Variants in TMEFF2 observed in about 807,000 individuals in gnomAD.
The protein encoded by TMEFF2 is transmembrane protein with EGF like and two follistatin like domains 2, also known as tomoregulin-2.
Under a neutral mutation model 53.8 loss-of-function variants are expected in TMEFF2, and 28 were observed. That is an observed-to-expected ratio of 0.52 (90% confidence interval 0.39 to 0.71). TMEFF2 has a LOEUF of 0.71. Ranked by LOEUF, TMEFF2 falls within the 30% of genes least tolerant of loss-of-function variation. The pLI is 0.00. For synonymous variants in TMEFF2, 162 were observed against 166.3 expected, an observed-to-expected ratio of 0.97 and a Z score of 0.20; for missense variants, 353 against 455.2, an observed-to-expected ratio of 0.78 and a Z score of 2.04.
At chr2:192,021,829 C>T (rs560803359) in intron 5 of TMEFF2, 2 of 152,194 alleles carry the variant, frequency 1.3e-5, no homozygotes, top group South Asian at 2.1e-4. Flanking sequence ...TAGATGTCTT[C>T]GGATACGAAA....
chr2:192,091,388 C>T (rs1688787230), intron 4 of TMEFF2, among the ~76,000 whole-genome samples: 1 of 152,108 alleles, frequency 6.6e-6, no homozygotes, highest in African/African-American at 2.4e-5. Flanking sequence ...TCCCCTGCCC[C>T]TAACTCCCCT....
intron 7 of TMEFF2, among the ~76,000 whole-genome samples, chr2:191,991,553 G>C (rs1361493767): frequency 1.3e-5 from 2 of 151,996 alleles, no homozygotes; most frequent in Non-Finnish European, 2.9e-5. Context: ...AAGAAACCGA[G>C]CCTTCAACTA....
At chr2:192,089,924 T>A (rs1340392771) in intron 4 of TMEFF2, among the ~76,000 whole-genome samples, 2 of 152,172 alleles carry the variant, frequency 1.3e-5, no homozygotes, top group Admixed American at 6.6e-5. Context: ...CATATTCTTT[T>A]CTCCACGCAT....
At chr2:191,995,066 A>G (rs1686191355) in intron 7 of TMEFF2, among the ~76,000 whole-genome samples, 1 of 152,028 alleles carries the variant, frequency 6.6e-6, no homozygotes, top group African/African-American at 2.4e-5. Context: ...CTGAGCAAGT[A>G]TGCCACACTC....
chr2:191,967,116 T>A (rs570570478), intron 7 of TMEFF2, among the ~76,000 whole-genome samples: 23 of 152,276 alleles, frequency 1.5e-4, no homozygotes, highest in Middle Eastern at 6.8e-3. Flanking sequence ...TTTGTATTAT[T>A]TAAATGGAAT....
chr2:192,038,516 CTTTTT>C (rs967565976), intron 5 of TMEFF2, among the ~76,000 whole-genome samples: 1 of 151,978 alleles, frequency 6.6e-6, no homozygotes, highest in East Asian at 1.9e-4. Flanking sequence ...TCTTTTCTTT[CTTTTT>C]TTATTTATTT....
intron 4 of TMEFF2, among the ~76,000 whole-genome samples, chr2:192,140,192 G>A (rs1690103920): frequency 6.6e-6 from 1 of 152,190 alleles, no homozygotes; most frequent in African/African-American, 2.4e-5. Context: ...TTAGATTTGT[G>A]TTGAGATGAC....
At chr2:192,148,381 C>T (rs1690303869) in intron 4 of TMEFF2, among the ~76,000 whole-genome samples, 1 of 151,990 alleles carries the variant, frequency 6.6e-6, no homozygotes, top group South Asian at 2.1e-4. Context: ...TAATGATATA[C>T]TTGATCGACA....
chr2:192,167,070 G>A (rs1690786986), intron 4 of TMEFF2, among the ~76,000 whole-genome samples: 1 of 152,050 alleles, frequency 6.6e-6, no homozygotes, highest in Non-Finnish European at 1.5e-5. Flanking sequence ...TTTCAGAATA[G>A]CATCTTGAGG....
At chr2:192,129,156 T>A (rs6738204) in intron 4 of TMEFF2, among the ~76,000 whole-genome samples, 1 of 152,168 alleles carries the variant, frequency 6.6e-6, no homozygotes, top group African/African-American at 2.4e-5. Flanking sequence ...GCTGAAAAAA[T>A]GACTAGGAAT....
chr2:192,182,539 G>C (rs1249447844), intron 3 of TMEFF2, among the ~76,000 whole-genome samples: 1 of 151,946 alleles, frequency 6.6e-6, no homozygotes, highest in African/African-American at 2.4e-5. Flanking sequence ...GCACATCAGG[G>C]ACTAGAATGG....
chr2:192,027,524 GA>G (rs1687001457), intron 5 of TMEFF2, among the ~76,000 whole-genome samples: 1 of 152,182 alleles, frequency 6.6e-6, no homozygotes, highest in Non-Finnish European at 1.5e-5. Flanking sequence ...GATGATGTTG[GA>G]TGTGGCAGCA....
chr2:192,027,153 G>C (rs1480139112), intron 5 of TMEFF2, among the ~76,000 whole-genome samples: 1 of 152,184 alleles, frequency 6.6e-6, no homozygotes, highest in Non-Finnish European at 1.5e-5. Context: ...AGAGAAATCA[G>C]TATATGTGGC....
At position 192,194,260 on chromosome 2, in the gene TMEFF2, G is replaced by C; in HGVS notation, c.172+93C>G. The C allele has an allele frequency of 6.8e-7, 1 of 1,477,636 alleles. No individual in the cohort carries two copies. The highest frequency in any genetic ancestry group is 9.3e-7 in the Non-Finnish European group (1 of 1,074,450). 91.5% of individuals were successfully genotyped at this position (1,477,636 alleles called of 1,614,324 possible). ...GGTCTAGGGCAGTAGGAGGTGAGGG[G>C]CTGAGGAGGCGCGCTAGGGTAGGCT... is the stretch of plus-strand genomic sequence containing the variant. On this transcript the variant is annotated intron_variant, in intron 1 of 9. Transcript: ENST00000272771. The surrounding 1 kb of genome is among the most constrained non-coding windows in gnomAD (Gnocchi z 4.2).
intron 5 of TMEFF2, among the ~76,000 whole-genome samples, chr2:192,052,795 A>G (rs1212022605): frequency 2.6e-5 from 4 of 152,204 alleles, no homozygotes; most frequent in Non-Finnish European, 5.9e-5. Flanking sequence ...AAACAGGCAC[A>G]CACATCCCTT....
intron 5 of TMEFF2, among the ~76,000 whole-genome samples, chr2:192,039,367 T>G (rs1687417414): frequency 6.6e-6 from 1 of 152,210 alleles, no homozygotes; most frequent in Non-Finnish European, 1.5e-5. Context: ...TAATTATAAT[T>G]GCTAGGCCCA....
At chr2:192,088,246 A>G (rs1177686612) in intron 4 of TMEFF2, among the ~76,000 whole-genome samples, 1 of 152,122 alleles carries the variant, frequency 6.6e-6, no homozygotes. Flanking sequence ...CAGGTAAGAA[A>G]AGACTGAATC....
At position 192,194,613 on chromosome 2, in the gene TMEFF2, G is replaced by A; in HGVS notation, c.-89C>T. The A allele has an allele frequency of 2.0e-6, 3 of 1,490,060 alleles. No individual in the cohort carries two copies. The highest frequency in any genetic ancestry group is 9.1e-7 in the Non-Finnish European group (1 of 1,097,354). The allele number at this position is 1,490,060 out of a possible 1,614,324, so 92.3% of individuals were successfully genotyped here. ...GGCAGCGGGCTACTGAGCATCCCGC[G>A]GACGGCGGCAGCAGAGGCGGCGGCG... On this transcript the variant is annotated 5_prime_UTR_variant, in exon 1 of 10. Transcript: ENST00000272771. The surrounding 1 kb of genome is among the most constrained non-coding windows in gnomAD (Gnocchi z 4.2).
At chr2:191,983,732 TTGAA>T (rs1685910723) in intron 7 of TMEFF2, among the ~76,000 whole-genome samples, 1 of 152,160 alleles carries the variant, frequency 6.6e-6, no homozygotes, top group African/African-American at 2.4e-5. Flanking sequence ...CATACAATGT[TTGAA>T]TGAATATTAA....
Sources: allele counts gnomAD v4.1 joint callset (sites outside exome capture counted in the v4.1 genomes callset), GRCh38; gene constraint gnomAD v4.1.1; non-coding constraint Gnocchi (gnomAD v3.1); transcripts MANE v1.5; gene names NCBI Gene and HGNC (gene_info 2026-07-23, HGNC 2026-07-21).